Variants in SUPT3H observed in about 807,000 individuals in gnomAD.
SUPT3H encodes the protein SPT3 homolog, SAGA and STAGA complex component.
A neutral mutation model predicts 44.3 loss-of-function variants in SUPT3H; 44 were observed. That is an observed-to-expected ratio of 0.99 (90% CI 0.78 to 1.28). The LOEUF (loss-of-function observed/expected upper bound fraction) is 1.28, where lower values mean the gene tolerates loss of function less well. Ranked by LOEUF, SUPT3H falls within the 50% of genes most tolerant of loss-of-function variation. SUPT3H has a pLI of 0.00. For synonymous variants in SUPT3H, 124 were observed against 125.6 expected (o/e 0.99, Z 0.09); for missense variants, 380 against 387.1 (o/e 0.98, Z 0.15).
intron 2 of SUPT3H, among the ~76,000 whole-genome samples, chr6:45,234,530 CAA>C (rs10713328): frequency 0.024 from 3,009 of 126,874 alleles, 18 homozygotes; most frequent in Non-Finnish European, 0.034. Flanking sequence ...GACGCTGTCA[CAA>C]AAAAAAAAAA....
At chr6:45,340,749 G>A (rs2150131375) in intron 2 of SUPT3H, among the ~76,000 whole-genome samples, 1 of 152,056 alleles carries the variant, frequency 6.6e-6, no homozygotes, top group East Asian at 1.9e-4. Context: ...ATATAATTTA[G>A]GGGTAAAAAA....
intron 3 of SUPT3H, among the ~76,000 whole-genome samples, chr6:45,049,639 C>T (rs1789961580): frequency 6.6e-6 from 1 of 152,104 alleles, no homozygotes; most frequent in African/African-American, 2.4e-5. Flanking sequence ...AGAGCAGGGC[C>T]TTGGTTAAAG....
At chr6:45,137,011 G>A (rs1404516082) in intron 2 of SUPT3H, among the ~76,000 whole-genome samples, 4 of 152,090 alleles carry the variant, frequency 2.6e-5, no homozygotes, top group South Asian at 2.1e-4. Context: ...CATAAGATAA[G>A]TGACTCATTC....
At position 45,014,849 on chromosome 6, in the gene SUPT3H, AGT is replaced by A; in HGVS notation, c.314_315del (p.Asp105ValfsTer11). On this transcript the variant is annotated frameshift_variant, in exon 5 of 11. Transcript: ENST00000371459. LOFTEE classifies it high-confidence loss of function. ...RRLLKYMFIR[D>X]YKSKIVKGID... ...ATGCCTTTGACAATCTTTGATTTGTAGTCTCGGATAAACATGTATTTTAGCAG... is the reference window on the plus strand; with the variant it reads ...ATGCCTTTGACAATCTTTGATTTGTACTCGGATAAACATGTATTTTAGCAG... 6.3e-7 allele frequency: 1 copy of A among 1,593,864 alleles called. No homozygotes were observed. The highest frequency in any genetic ancestry group is 8.5e-7 in the Non-Finnish European group (1 of 1,171,604).
intron 10 of SUPT3H, among the ~76,000 whole-genome samples, chr6:44,847,325 C>G (rs989995785): frequency 2.6e-5 from 4 of 152,184 alleles, no homozygotes; most frequent in African/African-American, 9.7e-5. Context: ...TATAACAACA[C>G]AGATTAGCTG....
intron 10 of SUPT3H, among the ~76,000 whole-genome samples, chr6:44,899,983 AT>A (rs895501481): frequency 2.0e-5 from 3 of 152,218 alleles, no homozygotes; most frequent in Non-Finnish European, 2.9e-5. Flanking sequence ...AGATACAATT[AT>A]TTTTAAAACC....
intron 2 of SUPT3H, among the ~76,000 whole-genome samples, chr6:45,123,330 C>T (rs1208830833): frequency 6.6e-6 from 1 of 151,594 alleles, no homozygotes; most frequent in Non-Finnish European, 1.5e-5. Context: ...ATACAAAAAT[C>T]ATCAATTTTT....
At chr6:45,174,703 T>G (rs1035010851) in intron 2 of SUPT3H, among the ~76,000 whole-genome samples, 4 of 152,114 alleles carry the variant, frequency 2.6e-5, no homozygotes, top group African/African-American at 9.7e-5. Flanking sequence ...ATAAAAAAGT[T>G]TTATATCTCA....
chr6:45,104,072 A>T (rs562139333), intron 3 of SUPT3H, among the ~76,000 whole-genome samples: 7 of 152,164 alleles, frequency 4.6e-5, no homozygotes, highest in African/African-American at 7.2e-5. Flanking sequence ...CTACAAAAAA[A>T]GTTACAAGGC....
intron 2 of SUPT3H, among the ~76,000 whole-genome samples, chr6:45,307,118 A>C (rs1050044307): frequency 3.3e-5 from 5 of 152,240 alleles, no homozygotes; most frequent in Non-Finnish European, 5.9e-5. Context: ...CAAAGCCACC[A>C]GGAAGCTCGA....
At chr6:44,852,337 C>A (rs974261461) in intron 10 of SUPT3H, among the ~76,000 whole-genome samples, 9 of 152,232 alleles carry the variant, frequency 5.9e-5, no homozygotes, top group Admixed American at 2.0e-4. Flanking sequence ...TCAGACCTTG[C>A]TCAGCTTCAT....
At chr6:45,079,930 A>G (rs566047071) in intron 3 of SUPT3H, among the ~76,000 whole-genome samples, 1 of 152,336 alleles carries the variant, frequency 6.6e-6, no homozygotes, top group East Asian at 1.9e-4. Flanking sequence ...ATAGGCAATC[A>G]AAGTAAAAAT....
At chr6:45,056,080 C>G (rs1261183690) in intron 3 of SUPT3H, among the ~76,000 whole-genome samples, 2 of 152,058 alleles carry the variant, frequency 1.3e-5, no homozygotes, top group African/African-American at 4.8e-5. Context: ...AAAAAATGTT[C>G]AACATCACTA....
chr6:45,279,898 T>C (rs1777675660), intron 2 of SUPT3H, among the ~76,000 whole-genome samples: 1 of 152,156 alleles, frequency 6.6e-6, no homozygotes, highest in Admixed American at 6.6e-5. Context: ...AAATTTAACA[T>C]AACCAAAACT....
chr6:45,189,573 T>C lies in SUPT3H; in HGVS notation c.102-83567A>G, dbSNP rs553447812. ...TGAATAAGGAGAACTGTAATCGTTATTTATTTGAAAAGGTAAAGTAGGATT... is the reference window on the plus strand; with the variant it reads ...TGAATAAGGAGAACTGTAATCGTTACTTATTTGAAAAGGTAAAGTAGGATT... On this transcript the variant is annotated intron_variant, in intron 2 of 10. Coordinates refer to ENST00000371459, the MANE Select transcript of SUPT3H (RefSeq NM_003599.4). Among the ~76,000 whole-genome samples, 9 of 152,290 alleles carry C rather than the reference T, an allele frequency of 5.9e-5. No individual in the cohort carries two copies. The South Asian group carries it at 6.2e-4, about 11-fold the overall frequency.
intron 3 of SUPT3H, among the ~76,000 whole-genome samples, chr6:45,037,788 G>A (rs1325780918): frequency 4.0e-5 from 6 of 149,848 alleles, no homozygotes; most frequent in Admixed American, 2.7e-4. Flanking sequence ...TGGGCAACAA[G>A]AGCGAAACTC....
chr6:45,124,210 T>C (rs1802073379), intron 2 of SUPT3H, among the ~76,000 whole-genome samples: 1 of 152,142 alleles, frequency 6.6e-6, no homozygotes, highest in Admixed American at 6.5e-5. Context: ...TGATGATAAC[T>C]CATTTACTGT....
chr6:44,811,047 C>G (rs901400610), intron 11 of SUPT3H, among the ~76,000 whole-genome samples: 1 of 152,298 alleles, frequency 6.6e-6, no homozygotes, highest in East Asian at 1.9e-4. Context: ...AATTAATGAA[C>G]AAATATTGGT....
intron 6 of SUPT3H, among the ~76,000 whole-genome samples, chr6:44,994,765 C>G (rs933529310): frequency 2.6e-5 from 4 of 152,066 alleles, no homozygotes; most frequent in African/African-American, 9.7e-5. Context: ...ATTAGGCCAA[C>G]AAAAACATAA....
Sources: gnomAD v4.1 joint callset for allele counts (sites outside exome capture counted in the v4.1 genomes callset) on GRCh38, gnomAD v4.1.1 for gene constraint, MANE v1.5 for transcripts, NCBI Gene and HGNC (gene_info 2026-07-23, HGNC 2026-07-21) for gene names.